BBS9: variants seen among roughly 807,000 people sequenced by gnomAD.
BBS9 encodes the protein protein PTHB1.
In BBS9, 89 loss-of-function variants were observed where a neutral mutation model predicts 117.7. That is an observed-to-expected ratio of 0.76 (90% CI 0.64 to 0.90). The LOEUF is 0.90. Among genes scored for constraint, BBS9 ranks in the 40% least tolerant of loss-of-function variants. The pLI, the probability that BBS9 is intolerant of heterozygous loss-of-function variation, is 0.00. For missense variants in BBS9, 982 were observed against 1,042.2 expected (o/e 0.94, Z 0.80); for synonymous variants, 379 against 370.9 (o/e 1.02, Z -0.25).
intron 9 of BBS9, among the ~76,000 whole-genome samples, chr7:33,293,760 C>T (rs1225346605): frequency 6.6e-6 from 1 of 152,094 alleles, no homozygotes; most frequent in Non-Finnish European, 1.5e-5. Context: ...ATAGAGATTC[C>T]TATACTGTTA....
At chr7:33,485,669 T>A (rs1019134674) in intron 19 of BBS9, among the ~76,000 whole-genome samples, 1 of 152,176 alleles carries the variant, frequency 6.6e-6, no homozygotes, top group African/African-American at 2.4e-5. Flanking sequence ...ATTTTTCTTC[T>A]GAGTCTTTAT....
At chr7:33,330,020 G>T (rs939544476) in intron 9 of BBS9, among the ~76,000 whole-genome samples, 1 of 147,230 alleles carries the variant, frequency 6.8e-6, no homozygotes, top group East Asian at 2.0e-4. Flanking sequence ...ATAAAATTGT[G>T]TTTTTTTTTT....
rs1433730722 is a variant in BBS9, at chr7:33,239,433, CAG to C, written c.443-17800_443-17799del. Among the ~76,000 whole-genome samples the C allele has an allele frequency of 8.6e-5, 13 of 151,450 alleles. No individual in the cohort carries two copies. The South Asian group carries it at 1.7e-3, about 19-fold the overall frequency. Reference sequence around the variant, plus strand: ...TCTTTTTAACTTTTTTTTTTTGAGACAGAGTCTTGCTCTGTCACCAGGCTGGA... The same window carrying C: ...TCTTTTTAACTTTTTTTTTTTGAGACAGTCTTGCTCTGTCACCAGGCTGGA... On this transcript the variant is annotated intron_variant, in intron 5 of 22. Coordinates refer to ENST00000242067, the MANE Select transcript of BBS9 (RefSeq NM_198428.3).
At chr7:33,315,464 G>A (rs541314558) in intron 9 of BBS9, among the ~76,000 whole-genome samples, 64 of 152,254 alleles carry the variant, frequency 4.2e-4, no homozygotes, top group African/African-American at 1.3e-3. Context: ...CACAAAGTCA[G>A]TCCAGATTCA....
chr7:33,308,042 G>A (rs1321020215), intron 9 of BBS9, among the ~76,000 whole-genome samples: 1 of 152,200 alleles, frequency 6.6e-6, no homozygotes, highest in Non-Finnish European at 1.5e-5. Context: ...GTGTGTATGT[G>A]TATAGTGGGG....
intron 2 of BBS9, 28 bp from the exon 3 acceptor site, chr7:33,152,669 CCTCT>C: frequency 1.3e-6 from 2 of 1,571,520 alleles, no homozygotes; most frequent in Middle Eastern, 1.7e-4. Context: ...TTTGTTTCTC[CCTCT>C]ATCTTTTTTT....
intron 9 of BBS9, chr7:33,314,158 A>G (rs959388105): frequency 3.0e-6 from 1 of 329,180 alleles, no homozygotes; most frequent in African/African-American, 2.2e-5. Context: ...AGGGGTTAAT[A>G]CAGTGGAAAA....
intron 5 of BBS9, among the ~76,000 whole-genome samples, chr7:33,209,955 T>C (rs1421387045): frequency 6.6e-6 from 1 of 152,184 alleles, no homozygotes; most frequent in African/African-American, 2.4e-5. Context: ...TTGCTCTTGC[T>C]TTTCTCGCAC....
At chr7:33,464,437 G>A (rs1052565660) in intron 19 of BBS9, among the ~76,000 whole-genome samples, 20 of 152,090 alleles carry the variant, frequency 1.3e-4, no homozygotes, top group Non-Finnish European at 2.5e-4. Flanking sequence ...TAATGGATAT[G>A]AAACTGGAAA....
chr7:33,563,958 C>A (rs563251173), intron 21 of BBS9, among the ~76,000 whole-genome samples: 1 of 152,140 alleles, frequency 6.6e-6, no homozygotes, highest in Admixed American at 6.5e-5. Flanking sequence ...GCCGATAAGA[C>A]CACATACTTA....
chr7:33,372,589 A>T (rs1161037591), intron 17 of BBS9, among the ~76,000 whole-genome samples: 1 of 152,136 alleles, frequency 6.6e-6, no homozygotes, highest in South Asian at 2.1e-4. Context: ...ATCTTTGTTC[A>T]TCAGGGATAC....
chr7:33,145,821 A>G (rs569989531), intron 1 of BBS9, among the ~76,000 whole-genome samples: 2 of 152,310 alleles, frequency 1.3e-5, no homozygotes, highest in South Asian at 2.1e-4. Context: ...CTTGGAACCA[A>G]TCTTCCACAG....
At chr7:33,143,081 TGCCTTA>T (rs1281865933) in intron 1 of BBS9, among the ~76,000 whole-genome samples, 1 of 152,154 alleles carries the variant, frequency 6.6e-6, no homozygotes, top group Non-Finnish European at 1.5e-5. Flanking sequence ...GGCATTCTCT[TGCCTTA>T]GCCTCCCGAG....
At chr7:33,219,929 G>A (rs987037129) in intron 5 of BBS9, among the ~76,000 whole-genome samples, 6 of 152,084 alleles carry the variant, frequency 3.9e-5, no homozygotes, top group Non-Finnish European at 5.9e-5. Context: ...CACTCACCGC[G>A]AAGTTCTGCA....
chr7:33,178,799 A>T (rs1323145912), intron 5 of BBS9, among the ~76,000 whole-genome samples: 1 of 151,842 alleles, frequency 6.6e-6, no homozygotes, highest in Non-Finnish European at 1.5e-5. Context: ...TTATTAATAC[A>T]TACAGATAAA....
intron 19 of BBS9, among the ~76,000 whole-genome samples, chr7:33,456,006 T>A (rs1838609260): frequency 6.6e-6 from 1 of 152,104 alleles, no homozygotes; most frequent in Non-Finnish European, 1.5e-5. Flanking sequence ...TGGGGAAAAA[T>A]TAGCTCTCAA....
At chr7:33,444,727 T>C (rs1836734363) in intron 19 of BBS9, among the ~76,000 whole-genome samples, 1 of 152,184 alleles carries the variant, frequency 6.6e-6, no homozygotes. Context: ...GCCCAGAACA[T>C]CGCATGATGG....
At chr7:33,596,923 C>T (rs563047665) in intron 21 of BBS9, among the ~76,000 whole-genome samples, 9 of 152,084 alleles carry the variant, frequency 5.9e-5, no homozygotes, top group African/African-American at 1.9e-4. Flanking sequence ...AGATGCCTGG[C>T]TTTTTATAGC....
chr7:33,621,025 G>C (rs1865378050), intron 21 of BBS9, among the ~76,000 whole-genome samples: 1 of 152,102 alleles, frequency 6.6e-6, no homozygotes, highest in Non-Finnish European at 1.5e-5. Flanking sequence ...TCCATATGCA[G>C]AAGAATGAAA....
Sources: allele counts gnomAD v4.1 joint callset (sites outside exome capture counted in the v4.1 genomes callset), GRCh38; gene constraint gnomAD v4.1.1; transcripts MANE v1.5; gene names NCBI Gene and HGNC (gene_info 2026-07-23, HGNC 2026-07-21).